Variants in MECOM observed in about 807,000 individuals in gnomAD.
MECOM encodes the protein MDS1 and EVI1 complex locus.
Under a neutral mutation model 116.3 loss-of-function variants are expected in MECOM, and 13 were observed. That is an observed-to-expected ratio of 0.11 (90% CI 0.07 to 0.18). MECOM has a LOEUF of 0.18. Among genes scored for constraint, MECOM ranks in the 10% least tolerant of loss-of-function variants. The probability of loss-of-function intolerance (pLI) is 1.00; values close to 1 mark genes in which losing one functional copy is unlikely to be tolerated. For missense variants in MECOM, 1,299 were observed against 1,509.0 expected (o/e 0.86, Z 2.31); for synonymous variants, 528 against 535.2 (o/e 0.99, Z 0.19).
At chr3:169,554,367 T>G (rs1168465125) in intron 1 of MECOM, among the ~76,000 whole-genome samples, 1 of 152,200 alleles carries the variant, frequency 6.6e-6, no homozygotes, top group Non-Finnish European at 1.5e-5. Context: ...TCACTTCAAT[T>G]ATGCCTTCAG....
At chr3:169,497,604 C>T (rs9637465) in intron 1 of MECOM, among the ~76,000 whole-genome samples, 7,482 of 152,154 alleles carry the variant, frequency 0.049, 409 homozygotes, top group East Asian at 0.31. Context: ...GTGATCCACC[C>T]GCCTCGGCAT....
chr3:169,621,405 T>C (rs1437634150), intron 1 of MECOM, among the ~76,000 whole-genome samples: 2 of 152,224 alleles, frequency 1.3e-5, no homozygotes, highest in East Asian at 3.8e-4. Flanking sequence ...GTCATAATAG[T>C]AGTAGCAGTT....
At chr3:169,117,481 G>A (rs1383375831) in intron 7 of MECOM, among the ~76,000 whole-genome samples, 1 of 152,134 alleles carries the variant, frequency 6.6e-6, no homozygotes, top group African/African-American at 2.4e-5. Context: ...CTATGATCAC[G>A]TCCTCTGACT....
chr3:169,660,112 A>G (rs1001382363), intron 1 of MECOM, among the ~76,000 whole-genome samples: 1 of 152,134 alleles, frequency 6.6e-6, no homozygotes, highest in Non-Finnish European at 1.5e-5. Flanking sequence ...CCCAACCTGC[A>G]CTTCCTTTCC....
chr3:169,294,315 GA>G (rs751567744), intron 2 of MECOM, among the ~76,000 whole-genome samples: 1 of 152,114 alleles, frequency 6.6e-6, no homozygotes, highest in Non-Finnish European at 1.5e-5. Flanking sequence ...AATCATTTTA[GA>G]AAATAGTTTC....
intron 1 of MECOM, among the ~76,000 whole-genome samples, chr3:169,418,717 C>T (rs969092286): frequency 3.3e-5 from 5 of 152,076 alleles, no homozygotes; most frequent in African/African-American, 1.2e-4. Context: ...TAAAAACACT[C>T]AATAAACTAG....
chr3:169,105,587 TG>T (rs1725122137), intron 10 of MECOM, among the ~76,000 whole-genome samples: 1 of 152,128 alleles, frequency 6.6e-6, no homozygotes, highest in Admixed American at 6.6e-5. Flanking sequence ...TTGCTGAGAA[TG>T]GGGAAATCAA....
At chr3:169,138,919 TA>T (rs1737215766) in intron 3 of MECOM, among the ~76,000 whole-genome samples, 1 of 152,102 alleles carries the variant, frequency 6.6e-6, no homozygotes. Context: ...AATGCTGTTC[TA>T]GTGTCACAGC....
chr3:169,214,644 A>T (rs1751196835), intron 2 of MECOM, among the ~76,000 whole-genome samples: 1 of 151,672 alleles, frequency 6.6e-6, no homozygotes, highest in South Asian at 2.1e-4. Context: ...GTTGCAGTAG[A>T]TGATTCTGAA....
At chr3:169,521,320 T>G (rs1757328571) in intron 1 of MECOM, among the ~76,000 whole-genome samples, 1 of 152,214 alleles carries the variant, frequency 6.6e-6, no homozygotes, top group African/African-American at 2.4e-5. Flanking sequence ...GTCTTGATTA[T>G]TTTTGTATTT....
At chr3:169,600,187 G>T (rs906214652) in intron 1 of MECOM, among the ~76,000 whole-genome samples, 2 of 152,166 alleles carry the variant, frequency 1.3e-5, no homozygotes, top group Admixed American at 1.3e-4. Flanking sequence ...GGCCAGGCTG[G>T]TCTTGAACTC....
At chr3:169,390,423 A>G (rs1734033960) in intron 1 of MECOM, among the ~76,000 whole-genome samples, 1 of 152,100 alleles carries the variant, frequency 6.6e-6, no homozygotes, top group South Asian at 2.1e-4. Flanking sequence ...TTCTCACATT[A>G]AGTAGACTGC....
At chr3:169,527,619 C>G (rs1270483859) in intron 1 of MECOM, among the ~76,000 whole-genome samples, 1 of 152,102 alleles carries the variant, frequency 6.6e-6, no homozygotes, top group African/African-American at 2.4e-5. Flanking sequence ...GCAGCCTGCT[C>G]CCAAATCTTC....
At chr3:169,241,275 C>T (rs187384475) in intron 2 of MECOM, among the ~76,000 whole-genome samples, 1 of 152,088 alleles carries the variant, frequency 6.6e-6, no homozygotes, top group East Asian at 1.9e-4. Flanking sequence ...CCAGGGGTTA[C>T]AAAGGTGGAG....
At chr3:169,413,485 T>G (rs1737941456) in intron 1 of MECOM, among the ~76,000 whole-genome samples, 1 of 42,594 alleles carries the variant, frequency 2.3e-5, no homozygotes, top group South Asian at 7.3e-4. Flanking sequence ...TTTGTTTTTT[T>G]TTTTATTTTT....
rs746491884 is a variant in MECOM at position 169,381,508 on chromosome 3, A to G, written c.54T>C (p.Tyr18=). ...CCAAAGGTATTTCAGGGTAGTTGCC[A>G]TATACACACTCATTATCTGTGAATA... ...RKLATNNECV[Y]GNYPEIPLEE... Residue 18 remains tyrosine (Y), a synonymous_variant, in exon 2 of 17, where the codon TAT becomes TAC. Coordinates refer to ENST00000651503, the MANE Select transcript of MECOM (RefSeq NM_004991.4). 114 of 1,605,806 alleles carry G rather than the reference A, an allele frequency of 7.1e-5. No homozygotes were observed. Among genetic ancestry groups the G allele is most frequent in the Non-Finnish European group, 8.8e-5 (104 of 1,175,618 alleles).
chr3:169,531,181 A>G (rs750308629), intron 1 of MECOM, among the ~76,000 whole-genome samples: 1 of 152,196 alleles, frequency 6.6e-6, no homozygotes, highest in Non-Finnish European at 1.5e-5. Flanking sequence ...TTTCCTGATC[A>G]TACACAATAC....
At chr3:169,520,612 T>C (rs895910439) in intron 1 of MECOM, among the ~76,000 whole-genome samples, 1 of 152,250 alleles carries the variant, frequency 6.6e-6, no homozygotes, top group Non-Finnish European at 1.5e-5. Flanking sequence ...TATGTAATGC[T>C]TTCAAAAATG....
At chr3:169,402,031 G>T (rs1735988789) in intron 1 of MECOM, among the ~76,000 whole-genome samples, 1 of 152,180 alleles carries the variant, frequency 6.6e-6, no homozygotes, top group African/African-American at 2.4e-5. Context: ...CCAGTCAGAG[G>T]CTGTTTCAGT....
Sources: allele counts gnomAD v4.1 joint callset (sites outside exome capture counted in the v4.1 genomes callset), GRCh38; gene constraint gnomAD v4.1.1; transcripts MANE v1.5; gene names NCBI Gene and HGNC (gene_info 2026-07-23, HGNC 2026-07-21).